The following ABCA12 variants were observed in gnomAD, a reference collection of about 807,000 sequenced individuals.
ABCA12 encodes glucosylceramide transporter ABCA12.
In ABCA12, 156 loss-of-function variants were observed where a neutral mutation model predicts 293.5. The observed-to-expected ratio is 0.53, with a 90% CI of 0.47 to 0.61. The LOEUF (loss-of-function observed/expected upper bound fraction) is 0.61. Ranked by LOEUF, ABCA12 falls within the 20% of genes least tolerant of loss-of-function variation. The pLI is 0.00. For synonymous variants in ABCA12, 1,063 were observed against 1,108.0 expected (o/e 0.96, Z 0.81); for missense variants, 2,797 against 3,090.2 (o/e 0.91, Z 2.25).
intron 37 of ABCA12, 74 bp from the exon 38 acceptor site, chr2:214,968,881 G>A: frequency 5.1e-6 from 7 of 1,369,490 alleles, no homozygotes; most frequent in East Asian, 4.6e-5. Context: ...AATACTTAAC[G>A]AGGAGCTCAA....
chr2:215,081,475 T>G, intron 2 of ABCA12, among the ~76,000 whole-genome samples: 1 of 9,276 alleles, frequency 1.1e-4, no homozygotes, highest in African/African-American at 3.5e-4. Context: ...CAAGACTCTG[T>G]CTCAAAAAAA....
At chr2:214,984,015 T>A (rs1486541781) in intron 28 of ABCA12, 150 bp from the exon 29 acceptor site, 1 of 609,474 alleles carries the variant, frequency 1.6e-6, no homozygotes, top group Non-Finnish European at 2.8e-6. Context: ...TTAATGGGAA[T>A]AAGAAATATT....
chr2:215,114,201 T>C (rs555656869), intron 1 of ABCA12, among the ~76,000 whole-genome samples: 22 of 152,174 alleles, frequency 1.4e-4, no homozygotes, highest in African/African-American at 3.4e-4. Context: ...TCTTGATCTC[T>C]TGACCTCATA....
chr2:215,046,124 C>A (rs1261894322), intron 6 of ABCA12, 109 bp from the exon 7 acceptor site: 11 of 1,075,020 alleles, frequency 1.0e-5, no homozygotes, highest in African/African-American at 3.2e-5. Context: ...ATAAGCAATT[C>A]TTTTAGACCT....
At chr2:214,991,864 C>A (rs894731955) in intron 23 of ABCA12, among the ~76,000 whole-genome samples, 1 of 152,000 alleles carries the variant, frequency 6.6e-6, no homozygotes, top group African/African-American at 2.4e-5. Context: ...CTGGGAACAT[C>A]ACACACCAGG....
intron 2 of ABCA12, among the ~76,000 whole-genome samples, chr2:215,103,917 G>A (rs1014609120): frequency 2.6e-5 from 4 of 152,026 alleles, no homozygotes; most frequent in Non-Finnish European, 5.9e-5. Flanking sequence ...AACCCTGGTG[G>A]TGGAGGTTGC....
chr2:215,054,015 T>C (rs1701370642), intron 4 of ABCA12, among the ~76,000 whole-genome samples: 1 of 152,032 alleles, frequency 6.6e-6, no homozygotes, highest in Non-Finnish European at 1.5e-5. Flanking sequence ...ATTTGAGAGC[T>C]ACTGGCCTAG....
chr2:214,983,934 TCTCAG>T lies in ABCA12; in HGVS notation c.4164-74_4164-70del, dbSNP rs2105968623. On this transcript the variant is annotated intron_variant, in intron 28 of 52. Coordinates refer to ENST00000272895, the MANE Select transcript of ABCA12 (RefSeq NM_173076.3). ...AAGCTAGATATTAGGAATAACTATA[TCTCAG>T]TTGTTAGAAGGAAAAAATACAGTGT... 5.0e-6 allele frequency: 7 copies of T among 1,401,254 alleles called. No homozygotes were observed. The South Asian group carries it at 7.2e-5, about 14-fold the overall frequency. 86.8% of individuals were successfully genotyped at this position (1,401,254 alleles called of 1,614,324 possible).
At chr2:215,086,249 C>CAATTAACT (rs1702035482) in intron 2 of ABCA12, among the ~76,000 whole-genome samples, 1 of 152,186 alleles carries the variant, frequency 6.6e-6, no homozygotes, top group Non-Finnish European at 1.5e-5. Flanking sequence ...TAGCAACTAT[C>CAATTAACT]AATTAACTTT....
intron 19 of ABCA12, among the ~76,000 whole-genome samples, chr2:215,006,323 G>C: frequency 6.6e-6 from 1 of 152,112 alleles, no homozygotes; most frequent in East Asian, 1.9e-4. Flanking sequence ...TGCTATCTAA[G>C]TAGCCTTCGT....
At chr2:214,936,806 G>T (rs951768973) in intron 51 of ABCA12, among the ~76,000 whole-genome samples, 8 of 151,890 alleles carry the variant, frequency 5.3e-5, no homozygotes, top group East Asian at 3.9e-4. Flanking sequence ...AGTTTTTTGG[G>T]TTTTTTTAAG....
chr2:215,057,384 A>T (rs1701440200), intron 3 of ABCA12, among the ~76,000 whole-genome samples: 1 of 151,934 alleles, frequency 6.6e-6, no homozygotes, highest in Non-Finnish European at 1.5e-5. Flanking sequence ...CAAAGATGCA[A>T]CCTTCACCAT....
At chr2:214,960,996 A>C (rs935924848) in intron 39 of ABCA12, among the ~76,000 whole-genome samples, 1 of 152,168 alleles carries the variant, frequency 6.6e-6, no homozygotes. Flanking sequence ...TTTTATAGTT[A>C]AAGTAAAAAC....
intron 50 of ABCA12, among the ~76,000 whole-genome samples, chr2:214,940,986 C>G (rs915944416): frequency 1.3e-5 from 2 of 151,876 alleles, no homozygotes; most frequent in Non-Finnish European, 2.9e-5. Context: ...TGATCTTAGT[C>G]ATTTCTTGTA....
chr2:215,122,360 A>C (rs1702824379), intron 1 of ABCA12, among the ~76,000 whole-genome samples: 1 of 152,238 alleles, frequency 6.6e-6, no homozygotes, highest in South Asian at 2.1e-4. Context: ...CACATAGTTG[A>C]GTAAGTTGTG....
intron 6 of ABCA12, among the ~76,000 whole-genome samples, chr2:215,046,523 A>G (rs1266875039): frequency 2.0e-5 from 3 of 148,906 alleles, no homozygotes; most frequent in African/African-American, 7.3e-5. Context: ...GTGTGTGTAT[A>G]TATATATATA....
chr2:215,068,433 T>G (rs1045344253), intron 2 of ABCA12, among the ~76,000 whole-genome samples: 3 of 152,152 alleles, frequency 2.0e-5, no homozygotes, highest in Non-Finnish European at 4.4e-5. Flanking sequence ...CCTGGTTGTA[T>G]TCCAATAAAA....
chr2:215,016,605 A>AAAAG (rs1553534168), intron 14 of ABCA12, among the ~76,000 whole-genome samples: 2,286 of 139,240 alleles, frequency 0.016, 85 homozygotes, highest in South Asian at 0.043. Flanking sequence ...AAAAAAAAAA[A>AAAAG]AAAAAAAAAG....
At chr2:215,111,937 T>A (rs1325075212) in intron 1 of ABCA12, among the ~76,000 whole-genome samples, 1 of 152,206 alleles carries the variant, frequency 6.6e-6, no homozygotes, top group Non-Finnish European at 1.5e-5. Flanking sequence ...TTATTTTGGA[T>A]CACCTCTCAT....
Sources: gnomAD v4.1 joint callset for allele counts (sites outside exome capture counted in the v4.1 genomes callset) on GRCh38, gnomAD v4.1.1 for gene constraint, MANE v1.5 for transcripts, NCBI Gene and HGNC (gene_info 2026-07-23, HGNC 2026-07-21) for gene names.